The following AGRN variants were observed in gnomAD, a reference collection of about 807,000 sequenced individuals.
The protein encoded by AGRN is agrin, also known as agrin proteoglycan.
A neutral mutation model predicts 211.0 loss-of-function variants in AGRN; 106 were observed. The observed-to-expected ratio is 0.50, with a 90% CI of 0.43 to 0.59. The LOEUF (loss-of-function observed/expected upper bound fraction) is 0.59, where lower values mean the gene tolerates loss of function less well. AGRN is among the 20% of genes least tolerant of loss of function. The pLI is 0.00. For missense variants in AGRN, 3,040 were observed against 2,982.6 expected (o/e 1.02, Z -0.45); for synonymous variants, 1,525 against 1,332.5 (o/e 1.14, Z -3.15).
At chr1:1,049,083 G>A (rs1179664229) in intron 24 of AGRN, 24 bp downstream of exon 24, 46 of 1,446,050 alleles carry the variant, frequency 3.2e-5, no homozygotes, top group Middle Eastern at 2.5e-4. Flanking sequence ...GGACGGGGCC[G>A]GGGCAGCTCA....
At chr1:1,054,700 C>G in intron 35 of AGRN, 124 bp from the exon 36 acceptor site, 1 of 1,485,950 alleles carries the variant, frequency 6.7e-7, no homozygotes, top group South Asian at 1.2e-5. Flanking sequence ...CCCTGCAGTT[C>G]CCAGTGCTGT....
chr1:1,052,095 C>T (rs1645312637), intron 33 of AGRN: 1 of 1,417,530 alleles, frequency 7.1e-7, no homozygotes, highest in Non-Finnish European at 9.4e-7. Flanking sequence ...AGTCCGGAGC[C>T]CCCGGGGAAC....
Position 1,040,831 on chromosome 1 carries a change from G to A in AGRN, c.678G>A (p.Ala226=). 1.3e-6 allele frequency: 2 copies of A among 1,536,310 alleles called. No individual in the cohort carries two copies. The highest frequency in any genetic ancestry group is 1.7e-6 in the Non-Finnish European group (2 of 1,147,324). ...TYSNECELQR[A]QCSQQRRIRL... is the part of the protein sequence containing the mutation. ...GCAACGAATGCGAGCTGCAGCGGGC[G>A]CAGTGCAGCCAGCAGCGCCGCATCC... Residue 226 remains alanine (A), a synonymous_variant, in exon 4 of 36, where the codon GCG becomes GCA. Coordinates refer to ENST00000379370, the MANE Select transcript of AGRN (RefSeq NM_198576.4).
Position 1,048,533 on chromosome 1 carries a change from G to T in AGRN, c.4105+168G>T, listed in dbSNP as rs1645168829. On this transcript the variant is annotated intron_variant, in intron 23 of 35. Transcript: ENST00000379370. The surrounding 1 kb of genome is among the most constrained non-coding windows in gnomAD (Gnocchi z 5.9). Reference sequence around the variant, plus strand: ...CGCCTGTAATCCCAGCACTTTGGGAGGCCGAGGCAGGCGGATCACCTGAGG... The same window carrying T: ...CGCCTGTAATCCCAGCACTTTGGGATGCCGAGGCAGGCGGATCACCTGAGG... The T allele has an allele frequency of 1.6e-6, 1 of 640,862 alleles. No homozygotes were observed. Among genetic ancestry groups the T allele is most frequent in the African/African-American group, 1.9e-5 (1 of 53,882 alleles). 39.7% of individuals were successfully genotyped at this position (640,862 alleles called of 1,614,324 possible).
In AGRN at chr1:1,055,587, G is replaced by T; in HGVS notation, c.*606G>T. ...GGTGTCCTGACCCTCAGCTGGCCCT[G>T]CCCAGCCACCCTGGACGTGACCGTA... On this transcript the variant is annotated 3_prime_UTR_variant, in exon 36 of 36. Coordinates refer to ENST00000379370, the MANE Select transcript of AGRN (RefSeq NM_198576.4). The T allele has an allele frequency of 5.6e-6, 1 of 179,918 alleles. No individual in the cohort carries two copies. 11.1% of individuals were successfully genotyped at this position (179,918 alleles called of 1,614,324 possible).
Position 1,049,253 on chromosome 1 carries a change from G to T in AGRN, c.4316G>T (p.Gly1439Val). 6.3e-7 allele frequency: 1 copy of T among 1,587,458 alleles called. No homozygotes were observed. The change falls in exon 25 of 36, where the codon GGG (glycine) becomes GTG (valine). Residue 1439 changes from glycine (G) to valine (V), a missense_variant. This residue lies in a region of AGRN where 1,537 missense variants were observed against 1,505.0 expected (regional missense o/e 1.02). Transcript: ENST00000379370. ...RVQLRFDTGS[G>V]PAVLTSAVPV... ...GCCCTCAGGTTTGACACAGGTTCGG[G>T]GCCGGCGGTGCTGACCAGTGCCGTG...
At position 1,041,442 on chromosome 1, in the gene AGRN, G is replaced by A. The variant is rs372013333; in HGVS notation, c.953-36G>A. ...CACGGCTCGAGCTCTGTGGGCGCGC[G>A]GCGACAGCGTCCTGACTCCTGCCCT... On this transcript the variant is annotated intron_variant, in intron 5 of 35. Transcript: ENST00000379370. The A allele has an allele frequency of 8.0e-5, 124 of 1,559,344 alleles. 1 individual carries two copies. The highest frequency in any genetic ancestry group is 1.0e-4 in the Non-Finnish European group (121 of 1,160,384).
Position 1,046,524 on chromosome 1 carries a change from C to G in AGRN, c.3039C>G (p.His1013Gln). 1 of 1,610,640 alleles carries G rather than the reference C, an allele frequency of 6.2e-7. No homozygotes were observed. The highest frequency in any genetic ancestry group is 8.5e-7 in the Non-Finnish European group (1 of 1,178,748). ...CCCTGGCTCCCAGCAGTACCGCACA[C>G]AGCCAGACCACCCCTCCGCCCTCAT... ...ALPLAPSSTA[H>Q]SQTTPPPSSR... The change falls in exon 18 of 36, where the codon CAC becomes CAG. Residue 1013 changes from histidine to glutamine, a missense_variant. Physicochemically the swap from His to Gln is conservative, Grantham distance 24 (BLOSUM62 0). This residue lies in a region of AGRN where 1,537 missense variants were observed against 1,505.0 expected (regional missense o/e 1.02). Transcript: ENST00000379370.
At chr1:1,038,970 T>A (rs1173508598) in intron 3 of AGRN, among the ~76,000 whole-genome samples, 1 of 152,158 alleles carries the variant, frequency 6.6e-6, no homozygotes, top group Non-Finnish European at 1.5e-5. Flanking sequence ...ATGACTATAC[T>A]TACAGTGGCA....
chr1:1,052,162 G>T, intron 33 of AGRN: 1 of 1,046,666 alleles, frequency 9.6e-7, no homozygotes, highest in South Asian at 1.4e-5. Flanking sequence ...GCAAGAGGCC[G>T]TTTCCTGCCT....
chr1:1,049,481 G>A lies in AGRN; in HGVS notation c.4514+30G>A, dbSNP rs374154567. ...GTCCCTTGGAGGGTGGTGTGGCCCC[G>A]ACCCCGGCCCTTTGGGGTCCCGGTG... On this transcript the variant is annotated intron_variant, in intron 25 of 35. Coordinates refer to ENST00000379370, the MANE Select transcript of AGRN (RefSeq NM_198576.4). The A allele has an allele frequency of 4.8e-5, 77 of 1,600,074 alleles. 1 individual carries two copies. The South Asian group carries it at 6.6e-4, about 14-fold the overall frequency.
rs1352221014 is a variant in AGRN at position 1,044,357 on chromosome 1, C to A, written c.2172C>A (p.Thr724=). 1 of 1,612,670 alleles carries A rather than the reference C, an allele frequency of 6.2e-7. No individual in the cohort carries two copies. Among genetic ancestry groups the A allele is most frequent in the African/African-American group, 1.3e-5 (1 of 74,916 alleles). The change falls in exon 12 of 36, where the codon ACC becomes ACA. Residue 724 remains threonine, a synonymous_variant. Coordinates refer to ENST00000379370, the MANE Select transcript of AGRN (RefSeq NM_198576.4). ...AGGTGTGCGGCTCAGATGGGGTCAC[C>A]TACAGCACCGAGTGTGAGCTGAAGA... is the stretch of plus-strand genomic sequence containing the variant. The part of the protein sequence containing the change: ...GSPVCGSDGV[T]YSTECELKKA...
Position 1,049,295 on chromosome 1 carries a change from A to G in AGRN, c.4358A>G (p.Gln1453Arg). Residue 1453 changes from glutamine (Q) to arginine (R), a missense_variant, in exon 25 of 36, where the codon CAG becomes CGG. Gln to Arg is a conservative substitution (Grantham distance 43). Transcript: ENST00000379370. ...AGTGCCGTGCCGGTAGAGCCGGGCC[A>G]GTGGCACCGCCTGGAGCTGTCCCGG... ...LTSAVPVEPG[Q>R]WHRLELSRHW... The G allele has an allele frequency of 6.3e-7, 1 of 1,596,164 alleles. No homozygotes were observed. The highest frequency in any genetic ancestry group is 8.5e-7 in the Non-Finnish European group (1 of 1,178,686).
Position 1,044,415 on chromosome 1 carries a change from G to C in AGRN, c.2230G>C (p.Val744Leu). 1 of 1,611,452 alleles carries C rather than the reference G, an allele frequency of 6.2e-7. No individual in the cohort carries two copies. The highest frequency in any genetic ancestry group is 1.7e-4 in the Middle Eastern group (1 of 6,056). Reference sequence around the variant, plus strand: ...GTGTGAGTCACAGCGAGGGCTCTACGTAGCGGCCCAGGGAGCCTGCCGAGG... The same window carrying C: ...GTGTGAGTCACAGCGAGGGCTCTACCTAGCGGCCCAGGGAGCCTGCCGAGG... ...ARCESQRGLY[V>L]AAQGACRGPT... The change falls in exon 12 of 36, where the codon GTA (valine) becomes CTA (leucine). Residue 744 changes from valine to leucine, a missense_variant. Transcript: ENST00000379370.
Position 1,043,522 on chromosome 1 carries a change from G to A in AGRN, c.1604-16G>A, listed in dbSNP as rs1292633567. Reference sequence around the variant, plus strand: ...GAGAGGTTCCTGGTCGCCTGGTGATGGAAGCTCCTCCCCAGACCGCTGCGG... The same window carrying A: ...GAGAGGTTCCTGGTCGCCTGGTGATAGAAGCTCCTCCCCAGACCGCTGCGG... On this transcript the variant is annotated splice_polypyrimidine_tract_variant and intron_variant, in intron 8 of 35. Coordinates refer to ENST00000379370, the MANE Select transcript of AGRN (RefSeq NM_198576.4). 1.5e-5 allele frequency: 24 copies of A among 1,602,744 alleles called. No homozygotes were observed. Among genetic ancestry groups the A allele is most frequent in the Non-Finnish European group, 2.0e-5 (24 of 1,179,792 alleles).
chr1:1,036,778 T>A (rs1644814476), intron 3 of AGRN, among the ~76,000 whole-genome samples: 1 of 152,146 alleles, frequency 6.6e-6, no homozygotes, highest in African/African-American at 2.4e-5. Flanking sequence ...AGGCTTCTCT[T>A]GGACTGTGGG....
At chr1:1,052,094 C>T in intron 33 of AGRN, 1 of 1,417,696 alleles carries the variant, frequency 7.1e-7, no homozygotes, top group Non-Finnish European at 9.4e-7. Context: ...GAGTCCGGAG[C>T]CCCCGGGGAA....
rs74685771 is a variant in AGRN at position 1,053,827 on chromosome 1, G to A, written c.5726G>A (p.Ser1909Asn). 15 of 1,611,088 alleles carry A rather than the reference G, an allele frequency of 9.3e-6. No individual in the cohort carries two copies. Among genetic ancestry groups the A allele is most frequent in the South Asian group, 1.1e-5 (1 of 90,488 alleles). Residue 1909 changes from serine to asparagine, a missense_variant, in exon 34 of 36, where the codon AGT becomes AAT. Ser to Asn is a conservative substitution (Grantham distance 46, BLOSUM62 1). This residue lies in a region of AGRN where 1,537 missense variants were observed against 1,505.0 expected (regional missense o/e 1.02). Coordinates refer to ENST00000379370, the MANE Select transcript of AGRN (RefSeq NM_198576.4). ...GCCACGCAGGGGCTGGTGCTCTGGA[G>A]TGGCAAGGCCACGGAGCGGGCAGAC... Reference protein sequence around the residue: ...TEATQGLVLWSGKATERADYV... With the variant: ...TEATQGLVLWNGKATERADYV...
chr1:1,035,019 C>T (rs1420485420), intron 2 of AGRN: 3 of 590,044 alleles, frequency 5.1e-6, no homozygotes, highest in African/African-American at 3.7e-5. Context: ...CTGCCTGCAC[C>T]CCTGTGGCTG....
Sources: gnomAD v4.1 joint callset for allele counts (sites outside exome capture counted in the v4.1 genomes callset) on GRCh38, gnomAD v4.1.1 for gene constraint, gnomAD v4.1.1 regional missense constraint, Gnocchi (gnomAD v3.1) non-coding constraint, MANE v1.5 for transcripts, NCBI Gene and HGNC (gene_info 2026-07-23, HGNC 2026-07-21) for gene names.